Variants in CAMSAP1 observed in about 807,000 individuals in gnomAD.
CAMSAP1 encodes the protein calmodulin-regulated spectrin-associated protein 1.
Under a neutral mutation model 143.5 loss-of-function variants are expected in CAMSAP1, and 58 were observed. That is an observed-to-expected ratio of 0.40 (90% confidence interval 0.33 to 0.50). The LOEUF (loss-of-function observed/expected upper bound fraction) is 0.50, where lower values mean the gene tolerates loss of function less well. Ranked by LOEUF, CAMSAP1 falls within the 20% of genes least tolerant of loss-of-function variation. The pLI is 0.45. For synonymous variants in CAMSAP1, 945 were observed against 859.3 expected, an observed-to-expected ratio of 1.10 and a Z score of -1.74; for missense variants, 1,969 against 2,115.7, an observed-to-expected ratio of 0.93 and a Z score of 1.36.
rs954933332 is a variant in CAMSAP1, at chr9:135,824,129, A to G, written c.1316-95T>C. 2.8e-6 allele frequency: 3 copies of G among 1,059,434 alleles called. No individual in the cohort carries two copies. The highest frequency in any genetic ancestry group is 4.3e-6 in the Non-Finnish European group (3 of 703,340). The allele number at this position is 1,059,434 out of a possible 1,614,324, so 65.6% of individuals were successfully genotyped here. A position where few individuals can be genotyped will look rare whatever the true frequency, so the allele number is the denominator to read the frequency against. On this transcript the variant is annotated intron_variant, in intron 9 of 16. Transcript: ENST00000389532. This position sits in a 1 kb window ranked among gnomAD's most constrained non-coding sequence, Gnocchi z 4.1. ...CCATTTGTCCAGAAAAATGCCTCTC[A>G]AGTCAGTACACCAGAAGGGCCGCAT...
rs762613855 is a variant in CAMSAP1 at position 135,815,102 on chromosome 9, A to G, written c.4501T>C (p.Leu1501=). 3.7e-6 allele frequency: 6 copies of G among 1,605,748 alleles called. No homozygotes were observed. Among genetic ancestry groups the G allele is most frequent in the East Asian group, 4.5e-5 (2 of 44,854 alleles). Residue 1501 remains leucine (L), a synonymous_variant, in exon 16 of 17, where the codon TTG becomes CTG. Transcript: ENST00000389532. ...KVNEPHKNSI[L]EELEKCDANH... ...GGTTGAAACATGATACTTGCCTCCA[A>G]TATGGAATTCTTGTGGGGTTCGTTC...
At position 135,907,464 on chromosome 9, in the gene CAMSAP1, G is replaced by T. The variant is rs1204238907; in HGVS notation, c.-305C>A. ...CGGGGGCGGGAGCGGGCCGGGGGCGGTGGCAGCGCGTGCGCGGTCCCGGGT... is the reference window on the plus strand; with the variant it reads ...CGGGGGCGGGAGCGGGCCGGGGGCGTTGGCAGCGCGTGCGCGGTCCCGGGT... On this transcript the variant is annotated 5_prime_UTR_variant, in exon 1 of 17. Transcript: ENST00000389532. Among the ~76,000 whole-genome samples the T allele has an allele frequency of 6.8e-6, 1 of 146,576 alleles. No individual in the cohort carries two copies. The highest frequency in any genetic ancestry group is 2.5e-5 in the African/African-American group (1 of 40,800).
intron 1 of CAMSAP1, among the ~76,000 whole-genome samples, 157 bp from the exon 2 acceptor site, chr9:135,883,235 G>T (rs373301654): frequency 5.9e-5 from 9 of 152,166 alleles, no homozygotes; most frequent in African/African-American, 2.2e-4. Flanking sequence ...TTGATTAAAT[G>T]AGCAACTAAC....
intron 4 of CAMSAP1, among the ~76,000 whole-genome samples, chr9:135,863,625 T>C (rs907003853): frequency 6.6e-5 from 10 of 152,218 alleles, no homozygotes; most frequent in African/African-American, 2.4e-4. Flanking sequence ...TCATGTAGAA[T>C]AATCAATACT....
chr9:135,889,175 C>T (rs978969044), intron 1 of CAMSAP1, among the ~76,000 whole-genome samples: 6 of 152,204 alleles, frequency 3.9e-5, no homozygotes, highest in Admixed American at 2.0e-4. Context: ...GGACGAAGAC[C>T]GAAAATGAAA....
At chr9:135,865,820 G>T (rs936152652) in intron 4 of CAMSAP1, among the ~76,000 whole-genome samples, 3 of 151,732 alleles carry the variant, frequency 2.0e-5, no homozygotes, top group African/African-American at 7.3e-5. Flanking sequence ...TGCCACTGGA[G>T]GGGGAAGAAG....
rs368146692 is a variant in CAMSAP1, at chr9:135,820,926, G to C, written c.3735C>G (p.Asp1245Glu). 2.5e-6 allele frequency: 4 copies of C among 1,613,622 alleles called. No individual in the cohort carries two copies. The African/African-American group carries it at 5.3e-5, about 22-fold the overall frequency. ...CGAGGCTTACCAGCTCCCCATCCTC[G>C]TCGGGGGCCTTCAGGTCGGAGAGGT... ...EVDLSDLKAP[D>E]EDGELVSLDG... is the part of the protein sequence containing the mutation. Residue 1245 changes from aspartate (D) to glutamate (E), a missense_variant, in exon 11 of 17, where the codon GAC becomes GAG. By Grantham distance (45) the Asp-to-Glu change is conservative. Transcript: ENST00000389532. This position sits in a 1 kb window ranked among gnomAD's most constrained non-coding sequence, Gnocchi z 4.4.
At chr9:135,901,334 A>G (rs1380860465) in intron 1 of CAMSAP1, among the ~76,000 whole-genome samples, 1 of 151,784 alleles carries the variant, frequency 6.6e-6, no homozygotes, top group Admixed American at 6.6e-5. Context: ...TAACTCACTC[A>G]CTCATACCTG....
chr9:135,838,885 C>A (rs932376518), intron 7 of CAMSAP1, among the ~76,000 whole-genome samples: 2 of 149,010 alleles, frequency 1.3e-5, no homozygotes, highest in African/African-American at 5.0e-5. Flanking sequence ...CACGTACCTT[C>A]TACCCTGTTC....
chr9:135,871,842 C>T (rs1837580356), intron 3 of CAMSAP1, among the ~76,000 whole-genome samples: 1 of 152,124 alleles, frequency 6.6e-6, no homozygotes, highest in Non-Finnish European at 1.5e-5. Context: ...GTGGCTCACG[C>T]CTGTAATCCC....
chr9:135,844,212 C>A (rs1377010087), intron 7 of CAMSAP1, among the ~76,000 whole-genome samples: 1 of 152,140 alleles, frequency 6.6e-6, no homozygotes, highest in Non-Finnish European at 1.5e-5. Flanking sequence ...TAAAACACTC[C>A]TCAGCAAATG....
In CAMSAP1 at chr9:135,823,001, G is replaced by C. The variant is rs752505657; in HGVS notation, c.1660C>G (p.Gln554Glu). 1.2e-6 allele frequency: 2 copies of C among 1,614,032 alleles called. No individual in the cohort carries two copies. Among genetic ancestry groups the C allele is most frequent in the Non-Finnish European group, 1.7e-6 (2 of 1,179,892 alleles). ...AIVRADVVPQ[Q>E]ADPEFPRASP... Reference sequence around the variant, plus strand: ...GCCCTGGGGAACTCCGGGTCAGCCTGCTGGGGAACCACGTCTGCTCTAACA... The same window carrying C: ...GCCCTGGGGAACTCCGGGTCAGCCTCCTGGGGAACCACGTCTGCTCTAACA... The change falls in exon 11 of 17, where the codon CAG (glutamine) becomes GAG (glutamate). Residue 554 changes from glutamine to glutamate, a missense_variant. Coordinates refer to ENST00000389532, the MANE Select transcript of CAMSAP1 (RefSeq NM_015447.4).
In CAMSAP1 at chr9:135,822,819, T is replaced by C. The variant is rs868045160; in HGVS notation, c.1842A>G (p.Glu614=). The change falls in exon 11 of 17, where the codon GAA becomes GAG. Residue 614 remains glutamate, a synonymous_variant. Coordinates refer to ENST00000389532, the MANE Select transcript of CAMSAP1 (RefSeq NM_015447.4). The surrounding 1 kb of genome is among the most constrained non-coding windows in gnomAD (Gnocchi z 6.1). ...KEKQVITKED[E]RGEGRPRSIV... The stretch of plus-strand genomic sequence containing the variant: ...TGCTCCTCGGTCTCCCTTCCCCCCG[T>C]TCATCCTCCTTGGTGATCACCTGCT... The C allele has an allele frequency of 2.5e-6, 4 of 1,613,856 alleles. No individual in the cohort carries two copies. The highest frequency in any genetic ancestry group is 3.4e-6 in the Non-Finnish European group (4 of 1,179,868).
rs149273281 is a variant in CAMSAP1 at position 135,901,236 on chromosome 9, T to C, written c.160+5764A>G. 6.0e-3 allele frequency among the ~76,000 whole-genome samples: 916 copies of C among 152,326 alleles called. 3 individuals carry two copies. Among genetic ancestry groups the C allele is most frequent in the Non-Finnish European group, 9.1e-3 (617 of 68,024 alleles). On this transcript the variant is annotated intron_variant, in intron 1 of 16. Coordinates refer to ENST00000389532, the MANE Select transcript of CAMSAP1 (RefSeq NM_015447.4). ...GCCACTGTCAATCAGTCCAGCTCCA[T>C]AGATTCAGCTTGTATATCTGTTGGC... is the stretch of plus-strand genomic sequence containing the variant.
At chr9:135,830,322 C>A (rs1835817142) in intron 7 of CAMSAP1, among the ~76,000 whole-genome samples, 1 of 152,174 alleles carries the variant, frequency 6.6e-6, no homozygotes, top group South Asian at 2.1e-4. Flanking sequence ...ACAGGAAACC[C>A]ACTTTTGAGT....
At chr9:135,891,378 G>T (rs1186143499) in intron 1 of CAMSAP1, among the ~76,000 whole-genome samples, 2 of 152,218 alleles carry the variant, frequency 1.3e-5, no homozygotes, top group African/African-American at 4.8e-5. Context: ...AAGGAGAGCT[G>T]GAGAGGGATC....
Position 135,820,836 on chromosome 9 carries a change from T to C in CAMSAP1, c.3822+3A>G. 1.9e-6 allele frequency: 3 copies of C among 1,612,214 alleles called. No homozygotes were observed. The highest frequency in any genetic ancestry group is 1.3e-5 in the African/African-American group (1 of 75,030). On this transcript the variant is annotated splice_donor_region_variant and intron_variant, in intron 11 of 16. Transcript: ENST00000389532. This position sits in a 1 kb window ranked among gnomAD's most constrained non-coding sequence, Gnocchi z 4.4. ...CCTGAAACAGATGCTACCAATCCCTTACCTTGAAGAAGAAGCCGACCCCCG... is the reference window on the plus strand; with the variant it reads ...CCTGAAACAGATGCTACCAATCCCTCACCTTGAAGAAGAAGCCGACCCCCG...
chr9:135,864,398 G>C (rs932474904), intron 4 of CAMSAP1, among the ~76,000 whole-genome samples: 2 of 152,200 alleles, frequency 1.3e-5, no homozygotes, highest in Admixed American at 6.5e-5. Context: ...CTCTGCAGCA[G>C]AATCTACCGC....
chr9:135,877,065 A>C (rs1326354214), intron 3 of CAMSAP1, among the ~76,000 whole-genome samples: 1 of 152,144 alleles, frequency 6.6e-6, no homozygotes, highest in Non-Finnish European at 1.5e-5. Context: ...AGCTTTATTC[A>C]AAACAGGCAA....
Sources: allele counts gnomAD v4.1 joint callset (sites outside exome capture counted in the v4.1 genomes callset), GRCh38; gene constraint gnomAD v4.1.1; non-coding constraint Gnocchi (gnomAD v3.1); transcripts MANE v1.5; gene names NCBI Gene and HGNC (gene_info 2026-07-23, HGNC 2026-07-21).